Variants in CDH13 observed in about 807,000 individuals in gnomAD.
The protein encoded by CDH13 is cadherin-13.
In CDH13, 24 loss-of-function variants were observed where a neutral mutation model predicts 63.8. That is an observed-to-expected ratio of 0.38 (90% confidence interval 0.27 to 0.53). The LOEUF (loss-of-function observed/expected upper bound fraction) is 0.53. CDH13 is among the 20% of genes least tolerant of loss of function. CDH13 has a pLI of 0.85. For missense variants in CDH13, 1,049 were observed against 903.1 expected, an observed-to-expected ratio of 1.16 and a Z score of -2.07; for synonymous variants, 503 against 355.3, an observed-to-expected ratio of 1.42 and a Z score of -4.67.
intron 6 of CDH13, among the ~76,000 whole-genome samples, chr16:83,350,960 A>G (rs2090939935): frequency 6.6e-6 from 1 of 152,356 alleles, no homozygotes; most frequent in East Asian, 1.9e-4. Context: ...ACTAATGGCT[A>G]TCCTGAGAGC....
intron 1 of CDH13, among the ~76,000 whole-genome samples, chr16:82,633,609 C>G (rs997141464): frequency 9.2e-5 from 14 of 152,136 alleles, no homozygotes; most frequent in Admixed American, 1.3e-4. Context: ...GAACTCCTGA[C>G]CTCGTGATCC....
chr16:83,468,640 C>G (rs1352963028), intron 6 of CDH13, among the ~76,000 whole-genome samples: 1 of 152,210 alleles, frequency 6.6e-6, no homozygotes, highest in African/African-American at 2.4e-5. Flanking sequence ...GATAATAACT[C>G]AAATCATTCA....
chr16:83,177,183 C>G (rs1007307875), intron 4 of CDH13, among the ~76,000 whole-genome samples: 1 of 152,166 alleles, frequency 6.6e-6, no homozygotes, highest in African/African-American at 2.4e-5. Context: ...GACAGCTGTT[C>G]TAAGAGCATA....
At chr16:83,246,549 C>G (rs1331452290) in intron 5 of CDH13, among the ~76,000 whole-genome samples, 2 of 151,894 alleles carry the variant, frequency 1.3e-5, no homozygotes, top group Non-Finnish European at 2.9e-5. Context: ...CATTTTATTC[C>G]TTCTAGAATG....
rs7184553 is a variant in CDH13, at chr16:82,633,262, A to T, written c.45+6125A>T. Among the ~76,000 whole-genome samples the T allele has an allele frequency of 9.9e-3, 1,501 of 152,324 alleles. 21 individuals carry two copies. Among genetic ancestry groups the T allele is most frequent in the African/African-American group, 0.035 (1,444 of 41,556 alleles). On this transcript the variant is annotated intron_variant, in intron 1 of 13. Transcript: ENST00000567109. Reference sequence around the variant, plus strand: ...TGAGTGTTGCTCCCTCACGGTATAGACATAACCAGAACGTCACAATAACTT... The same window carrying T: ...TGAGTGTTGCTCCCTCACGGTATAGTCATAACCAGAACGTCACAATAACTT...
At chr16:82,667,910 C>G (rs1912791440) in intron 1 of CDH13, among the ~76,000 whole-genome samples, 1 of 152,136 alleles carries the variant, frequency 6.6e-6, no homozygotes, top group East Asian at 1.9e-4. Flanking sequence ...TAAGTTAAAG[C>G]CTAATACAGT....
rs763517991 is a variant in CDH13, at chr16:83,602,446, C to T, written c.961-8C>T. 1.9e-6 allele frequency: 3 copies of T among 1,613,836 alleles called. No individual in the cohort carries two copies. Among genetic ancestry groups the T allele is most frequent in the Non-Finnish European group, 2.5e-6 (3 of 1,179,738 alleles). On this transcript the variant is annotated splice_polypyrimidine_tract_variant and splice_region_variant and intron_variant, in intron 7 of 13. Coordinates refer to ENST00000567109, the MANE Select transcript of CDH13 (RefSeq NM_001257.5). ...GTCATATTATTTCTTTGTGCTTGTGCTTTGTAGACTCTGGAAAATCCCAAG... is the reference window on the plus strand; with the variant it reads ...GTCATATTATTTCTTTGTGCTTGTGTTTTGTAGACTCTGGAAAATCCCAAG...
At chr16:82,846,748 T>C (rs1241208996) in intron 1 of CDH13, among the ~76,000 whole-genome samples, 1 of 152,306 alleles carries the variant, frequency 6.6e-6, no homozygotes, top group South Asian at 2.1e-4. Flanking sequence ...CCATCTCTAG[T>C]ATCTAGGCCA....
chr16:83,518,515 C>G (rs190991491), intron 7 of CDH13, among the ~76,000 whole-genome samples: 2,649 of 150,244 alleles, frequency 0.018, 40 homozygotes, highest in Middle Eastern at 0.052. Context: ...CTCTGTCTCC[C>G]AGGCTGGAGT....
At chr16:82,736,827 A>G (rs1024760694) in intron 1 of CDH13, among the ~76,000 whole-genome samples, 4 of 152,168 alleles carry the variant, frequency 2.6e-5, no homozygotes, top group African/African-American at 9.6e-5. Context: ...AGGACTCTTG[A>G]TGGGGTTCCC....
intron 5 of CDH13, among the ~76,000 whole-genome samples, chr16:83,274,790 C>G (rs2088933731): frequency 6.6e-6 from 1 of 152,138 alleles, no homozygotes; most frequent in Non-Finnish European, 1.5e-5. Context: ...CTAAGAACCT[C>G]CATGGGTGTG....
chr16:82,938,980 C>T (rs753667571), intron 2 of CDH13, among the ~76,000 whole-genome samples: 1 of 152,292 alleles, frequency 6.6e-6, no homozygotes, highest in African/African-American at 2.4e-5. Flanking sequence ...GAAGATTCAT[C>T]TTCTGTGGTT....
At chr16:83,166,321 G>A (rs918862726) in intron 4 of CDH13, among the ~76,000 whole-genome samples, 6 of 152,198 alleles carry the variant, frequency 3.9e-5, no homozygotes, top group South Asian at 4.1e-4. Flanking sequence ...ACAGAGCAGC[G>A]GGGAGGAAGG....
At chr16:83,327,094 T>C (rs532202422) in intron 5 of CDH13, among the ~76,000 whole-genome samples, 1 of 152,344 alleles carries the variant, frequency 6.6e-6, no homozygotes, top group African/African-American at 2.4e-5. Flanking sequence ...ACTTGTGTCA[T>C]TTATAAAGGC....
intron 2 of CDH13, among the ~76,000 whole-genome samples, chr16:82,972,923 C>T (rs771106825): frequency 1.3e-5 from 2 of 152,154 alleles, no homozygotes; most frequent in Non-Finnish European, 2.9e-5. Flanking sequence ...CCCTCGTAGG[C>T]GTCTAAAGAA....
At chr16:83,605,594 C>A (rs7201413) in intron 8 of CDH13, among the ~76,000 whole-genome samples, 17,699 of 152,098 alleles carry the variant, frequency 0.12, 2,047 homozygotes, top group African/African-American at 0.29. Flanking sequence ...ACTAAAAGAA[C>A]CTAGATAGTG....
At chr16:82,727,420 G>C (rs1440960835) in intron 1 of CDH13, 1 of 152,076 alleles carries the variant, frequency 6.6e-6, no homozygotes, top group African/African-American at 2.4e-5. Context: ...GATGCACTTA[G>C]CAGCCACCGC....
chr16:83,039,234 C>A (rs1208753089), intron 3 of CDH13, among the ~76,000 whole-genome samples: 1 of 152,222 alleles, frequency 6.6e-6, no homozygotes. Context: ...TTAATAGGCT[C>A]TCACTTCCTG....
chr16:83,187,262 G>A (rs34593825), intron 4 of CDH13, among the ~76,000 whole-genome samples: 1,654 of 152,272 alleles, frequency 0.011, 10 homozygotes, highest in Non-Finnish European at 0.015. Flanking sequence ...AAGCCACCAC[G>A]CCTGGCCCCA....
Sources: gnomAD v4.1 joint callset for allele counts (sites outside exome capture counted in the v4.1 genomes callset) on GRCh38, gnomAD v4.1.1 for gene constraint, MANE v1.5 for transcripts, NCBI Gene and HGNC (gene_info 2026-07-23, HGNC 2026-07-21) for gene names.